GALNT12: variants seen among roughly 807,000 people sequenced by gnomAD.
GALNT12 encodes polypeptide N-acetylgalactosaminyltransferase 12, also known as UDP-GalNAc:polypeptide N-acetylgalactosaminyltransferase 12.
Under a neutral mutation model 55.5 loss-of-function variants are expected in GALNT12, and 45 were observed. That is an observed-to-expected ratio of 0.81 (90% CI 0.64 to 1.04). GALNT12 has a LOEUF of 1.04. Among genes scored for constraint, GALNT12 ranks in the 50% least tolerant of loss-of-function variants. The pLI, the probability that GALNT12 is intolerant of heterozygous loss-of-function variation, is 0.00. For synonymous variants in GALNT12, 304 were observed against 312.2 expected (o/e 0.97, Z 0.28); for missense variants, 709 against 754.8 (o/e 0.94, Z 0.71).
chr9:98,811,476 A>C, intron 1 of GALNT12, among the ~76,000 whole-genome samples: 1 of 152,320 alleles, frequency 6.6e-6, no homozygotes, highest in Non-Finnish European at 1.5e-5. Context: ...CTTCAGGTCT[A>C]TCTATGACAG....
intron 3 of GALNT12, among the ~76,000 whole-genome samples, chr9:98,827,816 T>A (rs1454271002): frequency 6.6e-6 from 1 of 152,202 alleles, no homozygotes; most frequent in Non-Finnish European, 1.5e-5. Flanking sequence ...TGTCTGGTTG[T>A]TATAGAGGAA....
intron 1 of GALNT12, among the ~76,000 whole-genome samples, chr9:98,813,898 A>G (rs1002158284): frequency 1.3e-5 from 2 of 152,206 alleles, no homozygotes; most frequent in African/African-American, 4.8e-5. Context: ...TGCCAGAAGT[A>G]GAAGTCCTAT....
At chr9:98,847,737 T>C (rs1021576207) in intron 9 of GALNT12, among the ~76,000 whole-genome samples, 24 of 151,770 alleles carry the variant, frequency 1.6e-4, no homozygotes, top group African/African-American at 5.8e-4. Flanking sequence ...CAGAAACATA[T>C]GTGAATTCTG....
intron 6 of GALNT12, 48 bp downstream of exon 6, chr9:98,837,196 C>A (rs752444737): frequency 6.3e-7 from 1 of 1,586,492 alleles, no homozygotes; most frequent in Non-Finnish European, 8.7e-7. Flanking sequence ...ATCTGAACAA[C>A]AGCAGCTAAT....
At chr9:98,813,563 T>C (rs982133930) in intron 1 of GALNT12, among the ~76,000 whole-genome samples, 1 of 152,160 alleles carries the variant, frequency 6.6e-6, no homozygotes, top group East Asian at 1.9e-4. Context: ...AATGGTGCGA[T>C]CTCAGCTCAC....
Position 98,844,180 on chromosome 9 carries a change from T to C in GALNT12, c.1429T>C (p.Tyr477His). 6.2e-7 allele frequency: 1 copy of C among 1,613,112 alleles called. No homozygotes were observed. Among genetic ancestry groups the C allele is most frequent in the Non-Finnish European group, 8.5e-7 (1 of 1,179,022 alleles). ...NQIVGHQVIL[Y>H]LCHGMGQNQF... ...GATTGTGGGACACCAGGTCATTCTG[T>C]ACCTCTGTCATGGGATGGGCCAGAA... The change falls in exon 8 of 10, where the codon TAC (tyrosine) becomes CAC (histidine). Residue 477 changes from tyrosine to histidine, a missense_variant. Tyr to His is a moderately conservative substitution (Grantham distance 83). Coordinates refer to ENST00000375011, the MANE Select transcript of GALNT12 (RefSeq NM_024642.5).
At chr9:98,833,354 G>A (rs1836048410) in intron 4 of GALNT12, among the ~76,000 whole-genome samples, 3 of 152,156 alleles carry the variant, frequency 2.0e-5, no homozygotes, top group South Asian at 2.1e-4. Flanking sequence ...AAGATGACCC[G>A]CTGCTGGCAG....
rs754552603 is a variant in GALNT12, at chr9:98,837,192, A to C, written c.1212+44A>C. ...CTGCACTCCATCTGGCTTCATCTGA[A>C]CAACAGCAGCTAATCGTGGCTTCCC... On this transcript the variant is annotated intron_variant, in intron 6 of 9. Transcript: ENST00000375011. The C allele has an allele frequency of 5.0e-6, 8 of 1,595,172 alleles. No individual in the cohort carries two copies. In the East Asian group the frequency reaches 1.6e-4, roughly 31 times the overall value.
rs1835789325 is a variant in GALNT12 at position 98,823,379 on chromosome 9, T to G, written c.495T>G (p.Asp165Glu). The change falls in exon 2 of 10, where the codon GAT (aspartate) becomes GAG (glutamate). Residue 165 changes from aspartate to glutamate, a missense_variant. By Grantham distance (45) the Asp-to-Glu change is conservative. Transcript: ENST00000375011. ...TVYSVLETSP[D>E]ILLEEVILVD... ...ACAGTGTCCTTGAGACATCCCCGGA[T>G]ATCCTGCTAGAAGAAGTGATCCTTG... is the stretch of plus-strand genomic sequence containing the variant. 1 of 1,614,116 alleles carries G rather than the reference T, an allele frequency of 6.2e-7. No individual in the cohort carries two copies. The highest frequency in any genetic ancestry group is 8.5e-7 in the Non-Finnish European group (1 of 1,180,028).
intron 3 of GALNT12, among the ~76,000 whole-genome samples, chr9:98,829,153 TTATC>T (rs57899489): frequency 0.17 from 24,741 of 141,808 alleles, 2,120 homozygotes; most frequent in South Asian, 0.23. Flanking sequence ...GTAATTTTTT[TTATC>T]TATCTATCTA....
intron 5 of GALNT12, among the ~76,000 whole-genome samples, chr9:98,836,265 T>C (rs1433569610): frequency 6.6e-6 from 1 of 152,216 alleles, no homozygotes; most frequent in Non-Finnish European, 1.5e-5. Context: ...GCATCAAAAC[T>C]TTGTGTAAAT....
At position 98,824,891 on chromosome 9, in the gene GALNT12, AG is replaced by A. The variant is rs1266343863; in HGVS notation, c.541+1469del. ...GCATTTCCTTTTTCCGTTTCCCCCCAGGGTCGTTTTAAATCTCTCCGTGTGG... is the reference window on the plus strand; with the variant it reads ...GCATTTCCTTTTTCCGTTTCCCCCCAGGTCGTTTTAAATCTCTCCGTGTGG... On this transcript the variant is annotated intron_variant, in intron 2 of 9. Transcript: ENST00000375011. 3.3e-5 allele frequency among the ~76,000 whole-genome samples: 5 copies of A among 152,306 alleles called. No individual in the cohort carries two copies. In the East Asian group the frequency reaches 9.6e-4, roughly 29 times the overall value.
At chr9:98,832,042 A>T in intron 4 of GALNT12, 85 bp downstream of exon 4, 1 of 1,199,298 alleles carries the variant, frequency 8.3e-7, no homozygotes, top group Non-Finnish European at 1.2e-6. Context: ...CCTCGGGAGG[A>T]ATGGTTAGCT....
At chr9:98,842,061 C>G (rs564587161) in intron 7 of GALNT12, among the ~76,000 whole-genome samples, 98 of 99,008 alleles carry the variant, frequency 9.9e-4, no homozygotes, top group African/African-American at 3.5e-3. Context: ...CCAGTTGTAT[C>G]TACTGGGTTG....
intron 4 of GALNT12, 37 bp from the exon 5 acceptor site, chr9:98,835,212 C>A: frequency 7.3e-7 from 1 of 1,368,772 alleles, no homozygotes; most frequent in Non-Finnish European, 1.0e-6. Context: ...TGGTTTTCTG[C>A]TGTCTACAGT....
At chr9:98,822,936 A>G (rs1380370900) in intron 1 of GALNT12, among the ~76,000 whole-genome samples, 2 of 152,200 alleles carry the variant, frequency 1.3e-5, no homozygotes, top group African/African-American at 4.8e-5. Context: ...GGCAGAGTAG[A>G]CAGAAAGGAG....
At chr9:98,844,418 T>C in intron 8 of GALNT12, 1 of 571,104 alleles carries the variant, frequency 1.8e-6, no homozygotes, top group Non-Finnish European at 3.1e-6. Context: ...GTGTTGTAAA[T>C]AGTTGTCATA....
chr9:98,824,681 T>G (rs1483360529), intron 2 of GALNT12, among the ~76,000 whole-genome samples: 1 of 152,188 alleles, frequency 6.6e-6, no homozygotes, highest in Non-Finnish European at 1.5e-5. Context: ...TCAGGGCACC[T>G]GGGTCTGAGA....
chr9:98,829,154 TATCTATCTATCTATCTATCTATC>T (rs1042559644), intron 3 of GALNT12, among the ~76,000 whole-genome samples: 2 of 36,880 alleles, frequency 5.4e-5, no homozygotes, highest in African/African-American at 1.8e-4. Context: ...TAATTTTTTT[TATCTATCTATCTATCTATCTATC>T]TATCTATCTA....
Sources: allele counts gnomAD v4.1 joint callset (sites outside exome capture counted in the v4.1 genomes callset), GRCh38; gene constraint gnomAD v4.1.1; transcripts MANE v1.5; gene names NCBI Gene and HGNC (gene_info 2026-07-23, HGNC 2026-07-21).